The following ERBIN variants were observed in gnomAD, a reference collection of about 807,000 sequenced individuals.
The protein encoded by ERBIN is densin-180-like protein.
In ERBIN, 60 loss-of-function variants were observed where a neutral mutation model predicts 158.4. That is an observed-to-expected ratio of 0.38 (90% CI 0.31 to 0.47). The LOEUF (loss-of-function observed/expected upper bound fraction) is 0.47, where lower values mean the gene tolerates loss of function less well. ERBIN is among the 20% of genes least tolerant of loss of function. ERBIN has a pLI of 0.99. For missense variants in ERBIN, 1,610 were observed against 1,648.0 expected (o/e 0.98, Z 0.40); for synonymous variants, 594 against 557.2 (o/e 1.07, Z -0.93).
intron 1 of ERBIN, among the ~76,000 whole-genome samples, chr5:65,987,452 C>G (rs1273612824): frequency 1.3e-5 from 2 of 151,906 alleles, no homozygotes; most frequent in East Asian, 1.9e-4. Context: ...GTCCCAGCCA[C>G]TCAAGAGGCT....
chr5:66,072,229 C>T lies in ERBIN; in HGVS notation c.3694C>T (p.Gln1232Ter). ...PCQDGIFISG[Q>*]QNYSSATLSH... ...TCAAGATGGTATATTCATTTCAGGA[C>T]AGCAGAACTACTCATCAGCCACACT... The change falls in exon 22 of 26, where the codon CAG becomes TAG. Residue 1232 changes from glutamine (Q) to a stop codon, truncating the protein, a stop_gained. Transcript: ENST00000284037. LOFTEE classifies it high-confidence loss of function. The T allele has an allele frequency of 6.4e-7, 1 of 1,550,460 alleles. No homozygotes were observed.
At chr5:65,979,534 G>T (rs1439793293) in intron 1 of ERBIN, among the ~76,000 whole-genome samples, 1 of 152,208 alleles carries the variant, frequency 6.6e-6, no homozygotes, top group Non-Finnish European at 1.5e-5. Context: ...CTGGAAAAGG[G>T]TGATTGTATA....
chr5:65,981,510 TTGAC>T (rs1443495823), intron 1 of ERBIN, among the ~76,000 whole-genome samples: 1 of 152,062 alleles, frequency 6.6e-6, no homozygotes, highest in African/African-American at 2.4e-5. Flanking sequence ...TCTAGCAAGA[TTGAC>T]TGAGGGGAAT....
At chr5:66,021,431 G>T in intron 8 of ERBIN, 46 bp downstream of exon 8, 1 of 1,303,408 alleles carries the variant, frequency 7.7e-7, no homozygotes, top group Non-Finnish European at 1.1e-6. Flanking sequence ...TATATTTAAT[G>T]AAGAACAAAA....
In ERBIN at chr5:65,987,577, C is replaced by T. The variant is rs199547206; in HGVS notation, c.-57-1058C>T. Among the ~76,000 whole-genome samples, 9 of 151,888 alleles carry T rather than the reference C, an allele frequency of 5.9e-5. No individual in the cohort carries two copies. The East Asian group carries it at 1.2e-3, about 20-fold the overall frequency. On this transcript the variant is annotated intron_variant, in intron 1 of 25. Transcript: ENST00000284037. ...ACCCTGTCTCAAAAAAAAGTCCAGG[C>T]GTGGTGGCTCACGCCTGTTAATCCC... is the stretch of plus-strand genomic sequence containing the variant.
At position 66,028,266 on chromosome 5, in the gene ERBIN, TC is replaced by T. The variant is rs1293932053; in HGVS notation, c.1137-6del. On this transcript the variant is annotated splice_polypyrimidine_tract_variant and splice_region_variant and intron_variant, in intron 13 of 25. Transcript: ENST00000284037. ...AGTTTAATTTTTGTTTGTATTTTTTTCCTACAGATTAAAGAATTTACCCTTT... is the reference window on the plus strand; with the variant it reads ...AGTTTAATTTTTGTTTGTATTTTTTTCTACAGATTAAAGAATTTACCCTTT... 3.1e-6 allele frequency: 5 copies of T among 1,599,730 alleles called. No homozygotes were observed. The highest frequency in any genetic ancestry group is 1.7e-5 in the Admixed American group (1 of 58,892).
intron 15 of ERBIN, among the ~76,000 whole-genome samples, chr5:66,039,207 A>G (rs1253261013): frequency 6.6e-6 from 1 of 151,970 alleles, no homozygotes; most frequent in East Asian, 1.9e-4. Context: ...TTAATTTATA[A>G]ATTATACCAC....
At chr5:66,046,103 C>T (rs1484046572) in intron 17 of ERBIN, among the ~76,000 whole-genome samples, 1 of 151,868 alleles carries the variant, frequency 6.6e-6, no homozygotes, top group African/African-American at 2.4e-5. Flanking sequence ...CAAGCCTTGG[C>T]AGCTTCTAAG....
Position 66,062,275 on chromosome 5 carries a change from G to A in ERBIN, c.3633+7324G>A, listed in dbSNP as rs7730216. 5.5e-3 allele frequency among the ~76,000 whole-genome samples: 842 copies of A among 152,092 alleles called. 3 individuals carry two copies. Among genetic ancestry groups the A allele is most frequent in the African/African-American group, 0.019 (804 of 41,478 alleles). ...CTTTTTTCTCTAAACTTCTCTTCAC[G>A]CTTCATTTCATTCATTTCGTCTTCC... On this transcript the variant is annotated intron_variant, in intron 21 of 25. Transcript: ENST00000284037.
Position 66,018,555 on chromosome 5 carries a change from ATATAATATATATTATAT to A in ERBIN, c.534-2762_534-2746del, listed in dbSNP as rs1755239501. 4.6e-4 allele frequency among the ~76,000 whole-genome samples: 6 copies of A among 13,144 alleles called. 2 individuals are homozygous for A. The highest frequency in any genetic ancestry group is 1.8e-3 in the African/African-American group (6 of 3,244). The allele number at this position is 13,144 out of a possible 152,430, so 8.6% of individuals were successfully genotyped here. A position where few individuals can be genotyped will look rare whatever the true frequency, so the allele number is the denominator to read the frequency against. On this transcript the variant is annotated intron_variant, in intron 7 of 25. Transcript: ENST00000284037. ...TATTATATAATATATATTATATATT[ATATAATATATATTATAT>A]TATATAATATATATTATATAATATA...
At chr5:66,044,491 G>A (rs1353504392) in intron 17 of ERBIN, among the ~76,000 whole-genome samples, 181 bp downstream of exon 17, 10 of 152,214 alleles carry the variant, frequency 6.6e-5, no homozygotes, top group African/African-American at 9.6e-5. Context: ...GGGGCTGGGC[G>A]TGGTGGCTCA....
chr5:66,054,898 C>T lies in ERBIN; in HGVS notation c.3580C>T (p.Arg1194Cys), dbSNP rs773387524. The change falls in exon 21 of 26, where the codon CGT becomes TGT. Residue 1194 changes from arginine to cysteine, a missense_variant. Arg to Cys is a radical substitution (Grantham distance 180). Transcript: ENST00000284037. ...TCCTCCAGGAAAAAGTAAAGTTCCT[C>T]GTGACTGGAGAGAACAAGTACTTCG... ...LDPPGKSKVP[R>C]DWREQVLRHI... 1.6e-5 allele frequency: 26 copies of T among 1,613,522 alleles called. No individual in the cohort carries two copies. Among genetic ancestry groups the T allele is most frequent in the African/African-American group, 2.7e-5 (2 of 74,858 alleles).
chr5:65,959,175 C>G (rs934529378), intron 1 of ERBIN, among the ~76,000 whole-genome samples: 1 of 151,896 alleles, frequency 6.6e-6, no homozygotes, highest in African/African-American at 2.4e-5. Flanking sequence ...CTAGCTAACA[C>G]GTGGTGTTAC....
chr5:65,959,717 A>G lies in ERBIN; in HGVS notation c.-57-28918A>G, dbSNP rs549975819. Among the ~76,000 whole-genome samples, 19 of 152,306 alleles carry G rather than the reference A, an allele frequency of 1.2e-4. No homozygotes were observed. In the East Asian group the frequency reaches 3.5e-3, roughly 28 times the overall value. On this transcript the variant is annotated intron_variant, in intron 1 of 25. Coordinates refer to ENST00000284037, the MANE Select transcript of ERBIN (RefSeq NM_001253697.2). Reference sequence around the variant, plus strand: ...CTGTGTGCCCCCTTTTATATAGCATATATATTTAAATGCCCCTTTTTTTCT... The same window carrying G: ...CTGTGTGCCCCCTTTTATATAGCATGTATATTTAAATGCCCCTTTTTTTCT...
rs140225399 is a variant in ERBIN at position 66,054,080 on chromosome 5, A to T, written c.2762A>T (p.Asp921Val). 38 of 1,614,182 alleles carry T rather than the reference A, an allele frequency of 2.4e-5. No homozygotes were observed. In the African/African-American group the frequency reaches 4.8e-4, roughly 20 times the overall value. The change falls in exon 21 of 26, where the codon GAT becomes GTT. Residue 921 changes from aspartate to valine, a missense_variant. This residue lies in a region of ERBIN where 1,014 missense variants were observed against 936.1 expected (regional missense o/e 1.08). Coordinates refer to ENST00000284037, the MANE Select transcript of ERBIN (RefSeq NM_001253697.2). ...AGCAAGTCTGCCACACTGTTGTATG[A>T]TCAACCATTGCAGGTATTTACTGGT... ...VRSKSATLLY[D>V]QPLQVFTGSS...
At chr5:65,959,380 C>A (rs1486790661) in intron 1 of ERBIN, among the ~76,000 whole-genome samples, 1 of 151,974 alleles carries the variant, frequency 6.6e-6, no homozygotes, top group Non-Finnish European at 1.5e-5. Context: ...TATTTAGATT[C>A]TTTAATTTTA....
At chr5:65,932,863 C>T (rs927235496) in intron 1 of ERBIN, among the ~76,000 whole-genome samples, 1 of 152,150 alleles carries the variant, frequency 6.6e-6, no homozygotes, top group Non-Finnish European at 1.5e-5. Context: ...GTGGCATACT[C>T]ACGGCTCACT....
Position 66,078,611 on chromosome 5 carries a change from T to C in ERBIN, c.*81T>C, listed in dbSNP as rs1561466508. Reference sequence around the variant, plus strand: ...AGGGGAAATTAATATTTTGACTATTTTTATATATAAAGAAGAACTCAAAAA... The same window carrying C: ...AGGGGAAATTAATATTTTGACTATTCTTATATATAAAGAAGAACTCAAAAA... On this transcript the variant is annotated 3_prime_UTR_variant, in exon 26 of 26. Transcript: ENST00000284037. 2 of 838,760 alleles carry C rather than the reference T, an allele frequency of 2.4e-6. No individual in the cohort carries two copies. Among genetic ancestry groups the C allele is most frequent in the African/African-American group, 1.7e-5 (1 of 57,470 alleles). The allele number at this position is 838,760 out of a possible 1,614,324, so 52.0% of individuals were successfully genotyped here. A position where few individuals can be genotyped will look rare whatever the true frequency, so the allele number is the denominator to read the frequency against.
At chr5:66,042,363 G>A (rs990956481) in intron 15 of ERBIN, among the ~76,000 whole-genome samples, 2 of 151,902 alleles carry the variant, frequency 1.3e-5, no homozygotes, top group Non-Finnish European at 2.9e-5. Context: ...TTTAATCTTT[G>A]CTTTTGATAT....
Sources: allele counts gnomAD v4.1 joint callset (sites outside exome capture counted in the v4.1 genomes callset), GRCh38; gene constraint gnomAD v4.1.1; regional missense constraint gnomAD v4.1.1; transcripts MANE v1.5; gene names NCBI Gene and HGNC (gene_info 2026-07-23, HGNC 2026-07-21).